LSP1: variants seen among roughly 807,000 people sequenced by gnomAD.
LSP1 encodes lymphocyte specific protein 1.
A neutral mutation model predicts 49.3 loss-of-function variants in LSP1; 32 were observed. The ratio of observed to expected loss-of-function variants is 0.65; its 90% CI spans 0.49 to 0.87. The LOEUF is 0.87. Ranked by LOEUF, LSP1 falls within the 40% of genes least tolerant of loss-of-function variation. The pLI is 0.00. For missense variants in LSP1, 428 were observed against 442.6 expected, an observed-to-expected ratio of 0.97 and a Z score of 0.30; for synonymous variants, 179 against 178.8, an observed-to-expected ratio of 1.00 and a Z score of -0.01.
chr11:1,854,363 G>C (rs1847435249), intron 1 of LSP1, among the ~76,000 whole-genome samples: 1 of 152,080 alleles, frequency 6.6e-6, no homozygotes, highest in African/African-American at 2.4e-5. Flanking sequence ...CCTTGGTGCT[G>C]ACAGCAGAGG....
Position 1,869,496 on chromosome 11 carries a change from A to C in LSP1, c.54-10591A>C, listed in dbSNP as rs899479548. The C allele has an allele frequency of 3.3e-5, 13 of 390,318 alleles. No homozygotes were observed. The East Asian group carries it at 4.4e-4, about 13-fold the overall frequency. The allele number at this position is 390,318 out of a possible 1,614,324, so 24.2% of individuals were successfully genotyped here. A position where few individuals can be genotyped will look rare whatever the true frequency, so the allele number is the denominator to read the frequency against. On this transcript the variant is annotated intron_variant, in intron 1 of 10. Coordinates refer to ENST00000311604, the MANE Select transcript of LSP1 (RefSeq NM_002339.3). ...GGTGGTGGCAGGATGGGAAGGGCAG[A>C]GGGAGGGGCTGAGGTGCGAATGGAA...
At chr11:1,858,628 G>C (rs981486266) in intron 1 of LSP1, among the ~76,000 whole-genome samples, 1 of 152,240 alleles carries the variant, frequency 6.6e-6, no homozygotes, top group Non-Finnish European at 1.5e-5. Flanking sequence ...TTGATACTTA[G>C]AAGAGAGGGA....
In LSP1 at chr11:1,889,166, C is replaced by T. The variant is rs560079678; in HGVS notation, c.*13+1590C>T. 4.9e-5 allele frequency: 33 copies of T among 671,310 alleles called. No homozygotes were observed. In the East Asian group the frequency reaches 5.0e-4, roughly 10 times the overall value. 41.6% of individuals were successfully genotyped at this position (671,310 alleles called of 1,614,324 possible). A position where few individuals can be genotyped will look rare whatever the true frequency, so the allele number is the denominator to read the frequency against. On this transcript the variant is annotated intron_variant, in intron 10 of 10. Transcript: ENST00000311604. Reference sequence around the variant, plus strand: ...CACTTCACTGGAGCCTCCAGCCAGTCGCTGTGCGGTTGAAGTTCTTGGGCT... The same window carrying T: ...CACTTCACTGGAGCCTCCAGCCAGTTGCTGTGCGGTTGAAGTTCTTGGGCT...
chr11:1,884,603 C>A lies in LSP1; in HGVS notation c.717+22C>A. ...CGAGGTATGACCTGGCTCCCCTCTGCTGTCAGGTCCCTCCTGCATCCTGGC... is the reference window on the plus strand; with the variant it reads ...CGAGGTATGACCTGGCTCCCCTCTGATGTCAGGTCCCTCCTGCATCCTGGC... On this transcript the variant is annotated intron_variant, in intron 7 of 10. Transcript: ENST00000311604. This position sits in a 1 kb window ranked among gnomAD's most constrained non-coding sequence, Gnocchi z 4.1. 1 of 1,597,978 alleles carries A rather than the reference C, an allele frequency of 6.3e-7. No individual in the cohort carries two copies. Among genetic ancestry groups the A allele is most frequent in the Non-Finnish European group, 8.6e-7 (1 of 1,165,594 alleles).
intron 1 of LSP1, among the ~76,000 whole-genome samples, chr11:1,854,150 G>A (rs1333586679): frequency 6.6e-6 from 1 of 152,172 alleles, no homozygotes; most frequent in African/African-American, 2.4e-5. Flanking sequence ...ATGGTCAGGG[G>A]ATGGGGATCC....
intron 3 of LSP1, 64 bp from the exon 4 acceptor site, chr11:1,883,355 A>G: frequency 6.3e-7 from 1 of 1,575,454 alleles, no homozygotes; most frequent in Admixed American, 1.8e-5. Flanking sequence ...GCTTGGAAAA[A>G]GGAAGGGGTC....
At chr11:1,869,756 G>T (rs1484383604) in intron 1 of LSP1, 1 of 468,798 alleles carries the variant, frequency 2.1e-6, no homozygotes, top group Non-Finnish European at 4.4e-6. Flanking sequence ...TTGCCAAGGA[G>T]AGGGCGGGCG....
rs77501272 is a variant in LSP1, at chr11:1,871,294, G to C, written c.54-8793G>C. 577 of 986,294 alleles carry C rather than the reference G, an allele frequency of 5.9e-4. 9 individuals are homozygous for C. In the East Asian group the frequency reaches 0.051, roughly 87 times the overall value. 61.1% of individuals were successfully genotyped at this position (986,294 alleles called of 1,614,324 possible). On this transcript the variant is annotated intron_variant, in intron 1 of 10. Coordinates refer to ENST00000311604, the MANE Select transcript of LSP1 (RefSeq NM_002339.3). Reference sequence around the variant, plus strand: ...AGGCAGGGCCACCCACGAGCAGGGCGGGGCCCTAACCTCCGACCCAGGCTG... The same window carrying C: ...AGGCAGGGCCACCCACGAGCAGGGCCGGGCCCTAACCTCCGACCCAGGCTG...
In LSP1 at chr11:1,884,267, C is replaced by T; in HGVS notation, c.592-13C>T. The T allele has an allele frequency of 1.2e-6, 2 of 1,614,046 alleles. No individual in the cohort carries two copies. The highest frequency in any genetic ancestry group is 1.7e-6 in the Non-Finnish European group (2 of 1,179,966). ...GGCTGCTGCAGGCCTGTGTCTCTCT[C>T]CACCCTCTGCAGCTCATCGACAGGA... On this transcript the variant is annotated splice_polypyrimidine_tract_variant and intron_variant, in intron 5 of 10. Coordinates refer to ENST00000311604, the MANE Select transcript of LSP1 (RefSeq NM_002339.3). The surrounding 1 kb of genome is among the most constrained non-coding windows in gnomAD (Gnocchi z 4.1).
At position 1,887,217 on chromosome 11, in the gene LSP1, T is replaced by C. The variant is rs1182880579; in HGVS notation, c.853-20T>C. 2 of 1,483,114 alleles carry C rather than the reference T, an allele frequency of 1.3e-6. No homozygotes were observed. Among genetic ancestry groups the C allele is most frequent in the Admixed American group, 3.7e-5 (2 of 53,580 alleles). 91.9% of individuals were successfully genotyped at this position (1,483,114 alleles called of 1,614,324 possible). Reference sequence around the variant, plus strand: ...GATCCAGGGGTCTGCCCTTGTGACATACCCTTCTGCTGCCCCCAGGATATT... The same window carrying C: ...GATCCAGGGGTCTGCCCTTGTGACACACCCTTCTGCTGCCCCCAGGATATT... On this transcript the variant is annotated intron_variant, in intron 8 of 10. Transcript: ENST00000311604.
intron 1 of LSP1, among the ~76,000 whole-genome samples, chr11:1,877,061 G>A (rs929353048): frequency 2.6e-5 from 4 of 152,210 alleles, no homozygotes; most frequent in African/African-American, 4.8e-5. Context: ...GCAGCTGCAC[G>A]GGGCTGAGCC....
intron 1 of LSP1, among the ~76,000 whole-genome samples, chr11:1,875,820 C>T (rs1005280386): frequency 3.3e-5 from 5 of 152,216 alleles, no homozygotes; most frequent in Admixed American, 2.0e-4. Flanking sequence ...CCCGCTGCCC[C>T]ACCTGTCACC....
chr11:1,881,191 A>G, intron 2 of LSP1: 1 of 459,962 alleles, frequency 2.2e-6, no homozygotes, highest in Non-Finnish European at 3.9e-6. Flanking sequence ...CTGAGCCTCA[A>G]GGAGTCCTGG....
At chr11:1,879,639 C>A (rs1382371508) in intron 1 of LSP1, among the ~76,000 whole-genome samples, 1 of 152,220 alleles carries the variant, frequency 6.6e-6, no homozygotes, top group Non-Finnish European at 1.5e-5. Context: ...GGAGGTGCCG[C>A]CTGGCGGTGG....
intron 10 of LSP1, chr11:1,890,281 C>T (rs1196546517): frequency 8.4e-6 from 6 of 710,480 alleles, no homozygotes; most frequent in East Asian, 2.7e-5. Flanking sequence ...GGAGCCTCGG[C>T]GGGGCGTGGG....
At chr11:1,878,141 A>T (rs1297622844) in intron 1 of LSP1, among the ~76,000 whole-genome samples, 1 of 152,098 alleles carries the variant, frequency 6.6e-6, no homozygotes. Flanking sequence ...CCTTGCTCAC[A>T]TGGAGGGGCT....
In LSP1 at chr11:1,879,023, T is replaced by C. The variant is rs570500733; in HGVS notation, c.54-1064T>C. ...TTTCAGGCTCTGAGGGCAGAAGCAC[T>C]CCCTTACCTCAGTTTCCCCATTTTT... is the stretch of plus-strand genomic sequence containing the variant. On this transcript the variant is annotated intron_variant, in intron 1 of 10. Transcript: ENST00000311604. Among the ~76,000 whole-genome samples, 91 of 152,194 alleles carry C rather than the reference T, an allele frequency of 6.0e-4. 1 individual carries two copies. The South Asian group carries it at 0.018, about 30-fold the overall frequency.
intron 1 of LSP1, chr11:1,864,259 G>A: frequency 1.0e-6 from 1 of 988,686 alleles, no homozygotes; most frequent in Non-Finnish European, 1.2e-6. Flanking sequence ...AGGTTGACGA[G>A]GGGCTGGACA....
chr11:1,873,936 GAGGAGGGAGGCCGGCA>G, intron 1 of LSP1, among the ~76,000 whole-genome samples: 2 of 137,798 alleles, frequency 1.5e-5, no homozygotes, highest in African/African-American at 5.9e-5. Flanking sequence ...GAGGCCGGCA[GAGGAGGGAGGCCGGCA>G]GAGCAGGGAG....
Sources: allele counts gnomAD v4.1 joint callset (sites outside exome capture counted in the v4.1 genomes callset), GRCh38; gene constraint gnomAD v4.1.1; non-coding constraint Gnocchi (gnomAD v3.1); transcripts MANE v1.5; gene names NCBI Gene and HGNC (gene_info 2026-07-23, HGNC 2026-07-21).